The following OR4N2 variants were observed in gnomAD, a reference collection of about 807,000 sequenced individuals.
The protein encoded by OR4N2 is olfactory receptor family 4 subfamily N member 2.
For missense variants in OR4N2, 307 were observed against 377.6 expected (o/e 0.81, Z 1.55); for synonymous variants, 141 against 140.4 (o/e 1.00, Z -0.03).
At chr14:19,816,242 A>G (rs1158914852) in intron 1 of OR4N2, among the ~76,000 whole-genome samples, 1 of 152,228 alleles carries the variant, frequency 6.6e-6, no homozygotes, top group African/African-American at 2.4e-5. Context: ...GAAGAAAGTC[A>G]GTGGTAGCTT....
At chr14:19,810,826 T>C (rs1365941195) in intron 1 of OR4N2, among the ~76,000 whole-genome samples, 1 of 152,158 alleles carries the variant, frequency 6.6e-6, no homozygotes, top group Non-Finnish European at 1.5e-5. Flanking sequence ...ACACACAAAC[T>C]ACCAATATTA....
chr14:19,828,715 C>T lies in OR4N2; in HGVS notation c.*343C>T, dbSNP rs1256034264. 7 of 229,360 alleles carry T rather than the reference C, an allele frequency of 3.1e-5. No homozygotes were observed. The highest frequency in any genetic ancestry group is 1.3e-4 in the South Asian group (2 of 15,188). The allele number at this position is 229,360 out of a possible 1,614,324, so 14.2% of individuals were successfully genotyped here. The stretch of plus-strand genomic sequence containing the variant: ...ATCAAAAAAGACCTTGAAGAGCTGA[C>T]GTTTTGGATGATATCTGGATAAACT... On this transcript the variant is annotated 3_prime_UTR_variant, in exon 2 of 2. Coordinates refer to ENST00000557677, the MANE Select transcript of OR4N2 (RefSeq NM_001004723.3).
intron 1 of OR4N2, among the ~76,000 whole-genome samples, chr14:19,813,053 C>A (rs565853400): frequency 1.7e-4 from 26 of 152,236 alleles, no homozygotes; most frequent in Non-Finnish European, 3.5e-4. Flanking sequence ...ATTTTGAGGA[C>A]TATTTTAGAT....
chr14:19,814,339 A>G (rs1879374510), intron 1 of OR4N2, among the ~76,000 whole-genome samples: 2 of 152,218 alleles, frequency 1.3e-5, no homozygotes, highest in East Asian at 1.9e-4. Context: ...CCCTTTAGCA[A>G]TTGTTCTATC....
At chr14:19,826,212 A>G (rs1382212524) in intron 1 of OR4N2, among the ~76,000 whole-genome samples, 15 of 152,262 alleles carry the variant, frequency 9.9e-5, no homozygotes, top group African/African-American at 3.6e-4. Flanking sequence ...AGTATACCCC[A>G]TGAAAACAAT....
chr14:19,812,276 G>T (rs1425645758), intron 1 of OR4N2, among the ~76,000 whole-genome samples: 1 of 149,002 alleles, frequency 6.7e-6, no homozygotes, highest in Non-Finnish European at 1.5e-5. Flanking sequence ...AATTCTCTTT[G>T]AATTTTCTGT....
At chr14:19,811,552 A>T (rs1043027529) in intron 1 of OR4N2, among the ~76,000 whole-genome samples, 15 of 152,266 alleles carry the variant, frequency 9.9e-5, no homozygotes, top group Non-Finnish European at 2.2e-4. Flanking sequence ...GGCTACACAT[A>T]AAATTTTAAA....
rs1436851216 is a variant in OR4N2 at position 19,829,866 on chromosome 14, C to G, written c.*1494C>G. 6.6e-6 allele frequency: 1 copy of G among 152,234 alleles called. No homozygotes were observed. 9.4% of individuals were successfully genotyped at this position (152,234 alleles called of 1,614,324 possible). A position where few individuals can be genotyped will look rare whatever the true frequency, so the allele number is the denominator to read the frequency against. ...ATATTCAGACTATAGAAAAAGTGGT[C>G]TGAATCTTCAAATAATCCTTCTCTA... On this transcript the variant is annotated 3_prime_UTR_variant, in exon 2 of 2. Transcript: ENST00000557677.
chr14:19,822,959 T>C (rs569739399), intron 1 of OR4N2, among the ~76,000 whole-genome samples: 58 of 152,344 alleles, frequency 3.8e-4, no homozygotes, highest in Admixed American at 1.2e-3. Context: ...GGGATCCTTT[T>C]ATGTTATTAC....
chr14:19,809,444 T>C (rs939127420), intron 1 of OR4N2, among the ~76,000 whole-genome samples: 5 of 152,178 alleles, frequency 3.3e-5, no homozygotes, highest in African/African-American at 1.2e-4. Context: ...ATTCACAAGC[T>C]ATGATTCCAA....
In OR4N2 at chr14:19,828,411, A is replaced by G; in HGVS notation, c.*39A>G. Reference sequence around the variant, plus strand: ...AAAAAAAAGAATAAAAATAGACTGTAGAATTTTATCTGAAATTGATTTGTT... The same window carrying G: ...AAAAAAAAGAATAAAAATAGACTGTGGAATTTTATCTGAAATTGATTTGTT... On this transcript the variant is annotated 3_prime_UTR_variant, in exon 2 of 2. Coordinates refer to ENST00000557677, the MANE Select transcript of OR4N2 (RefSeq NM_001004723.3). 6.7e-7 allele frequency: 1 copy of G among 1,494,082 alleles called. No individual in the cohort carries two copies. The highest frequency in any genetic ancestry group is 2.3e-5 in the East Asian group (1 of 42,890). The allele number at this position is 1,494,082 out of a possible 1,614,324, so 92.6% of individuals were successfully genotyped here. A position where few individuals can be genotyped will look rare whatever the true frequency, so the allele number is the denominator to read the frequency against.
At chr14:19,818,485 C>T (rs1879482473) in intron 1 of OR4N2, among the ~76,000 whole-genome samples, 1 of 152,176 alleles carries the variant, frequency 6.6e-6, no homozygotes, top group African/African-American at 2.4e-5. Flanking sequence ...TCTGTTTTAT[C>T]AGAGACTAGG....
rs1879810536 is a variant in OR4N2, at chr14:19,829,425, G to A, written c.*1053G>A. The A allele has an allele frequency of 6.6e-6, 1 of 152,268 alleles. No individual in the cohort carries two copies. Among genetic ancestry groups the A allele is most frequent in the Non-Finnish European group, 1.5e-5 (1 of 68,054 alleles). 9.4% of individuals were successfully genotyped at this position (152,268 alleles called of 1,614,324 possible). On this transcript the variant is annotated 3_prime_UTR_variant, in exon 2 of 2. Transcript: ENST00000557677. ...CATCATTTAATATCGAGAGTTAGGT[G>A]TTCACAAAATCACTGGAAAGTCTAA...
intron 1 of OR4N2, among the ~76,000 whole-genome samples, chr14:19,821,356 T>G (rs537986110): frequency 6.6e-6 from 1 of 152,146 alleles, no homozygotes; most frequent in African/African-American, 2.4e-5. Context: ...TTGCTGGGAG[T>G]TGCAGACCAG....
chr14:19,817,533 T>C (rs1163502946), intron 1 of OR4N2, among the ~76,000 whole-genome samples: 5 of 152,270 alleles, frequency 3.3e-5, no homozygotes, highest in African/African-American at 7.2e-5. Flanking sequence ...GGATCAGTGG[T>C]GATACCCCTT....
intron 1 of OR4N2, chr14:19,822,569 A>G (rs1472756628): frequency 6.6e-6 from 1 of 152,266 alleles, no homozygotes; most frequent in African/African-American, 2.4e-5. Context: ...TGGCAATTTT[A>G]CATGAAGGCA....
At chr14:19,805,731 T>C (rs1879148078) in intron 1 of OR4N2, among the ~76,000 whole-genome samples, 1 of 152,030 alleles carries the variant, frequency 6.6e-6, no homozygotes, top group Admixed American at 6.5e-5. Context: ...ATCCAAGAAA[T>C]AGAGAGAACC....
chr14:19,817,665 G>T (rs1447165299), intron 1 of OR4N2, among the ~76,000 whole-genome samples: 1 of 152,176 alleles, frequency 6.6e-6, no homozygotes, highest in African/African-American at 2.4e-5. Flanking sequence ...TTTTTTGAAG[G>T]GTTTTTTGTG....
intron 1 of OR4N2, chr14:19,822,524 A>G (rs2318284): frequency 0.3 from 44,019 of 148,588 alleles, 3,356 homozygotes; most frequent in African/African-American, 0.37. Flanking sequence ...TTGTAGAACC[A>G]AAAAAAAGCT....
Sources: allele counts gnomAD v4.1 joint callset (sites outside exome capture counted in the v4.1 genomes callset), GRCh38; gene constraint gnomAD v4.1.1; transcripts MANE v1.5; gene names NCBI Gene and HGNC (gene_info 2026-07-23, HGNC 2026-07-21).